Variants in RYR2 observed in about 807,000 individuals in gnomAD.
RYR2 encodes cardiac muscle ryanodine receptor-calcium release channel.
In RYR2, 227 loss-of-function variants were observed where a neutral mutation model predicts 601.1. The ratio of observed to expected loss-of-function variants is 0.38; its 90% confidence interval spans 0.34 to 0.42. The LOEUF (loss-of-function observed/expected upper bound fraction) is 0.42. RYR2 is among the 10% of genes least tolerant of loss of function. The pLI, the probability that RYR2 is intolerant of heterozygous loss-of-function variation, is 1.00. For missense variants in RYR2, 4,646 were observed against 6,156.5 expected, an observed-to-expected ratio of 0.75 and a Z score of 8.21; for synonymous variants, 2,223 against 2,175.1, an observed-to-expected ratio of 1.02 and a Z score of -0.61.
intron 54 of RYR2, 145 bp downstream of exon 54, chr1:237,658,167 T>C (rs1683432108): frequency 4.5e-6 from 2 of 440,892 alleles, no homozygotes; most frequent in Non-Finnish European, 8.1e-6. Flanking sequence ...TTAGCTTATA[T>C]AATAATATAA....
chr1:237,045,818 G>A, intron 1 of RYR2, among the ~76,000 whole-genome samples: 2 of 129,918 alleles, frequency 1.5e-5, no homozygotes, highest in Admixed American at 7.9e-5. Flanking sequence ...TGTTATAGAA[G>A]ATATTCCTCT....
At position 237,377,428 on chromosome 1, in the gene RYR2, G is replaced by A. The variant is rs1237664259; in HGVS notation, c.569G>A (p.Arg190Lys). Residue 190 changes from arginine to lysine, a missense_variant, in exon 8 of 105, where the codon AGG becomes AAG. Around this residue, in one of 17 missense-constraint regions of RYR2, gnomAD observed 87 missense variants for 144.7 expected, o/e 0.60. Transcript: ENST00000366574. ...ATCTTAGTTAGCGTGTCCTCTGAAA[G>A]GTACTTGGTAAGTGTGGAAAGTAGG... ...DLILVSVSSE[R>K]YLHLSYGNGS... 2.5e-6 allele frequency: 4 copies of A among 1,612,420 alleles called. No homozygotes were observed. The highest frequency in any genetic ancestry group is 3.4e-6 in the Non-Finnish European group (4 of 1,178,676).
At chr1:237,627,332 TACGTAGTC>T (rs1375254293) in intron 40 of RYR2, among the ~76,000 whole-genome samples, 1 of 152,240 alleles carries the variant, frequency 6.6e-6, no homozygotes, top group Non-Finnish European at 1.5e-5. Flanking sequence ...AACATAATTA[TACGTAGTC>T]ACTAGTGCAA....
At chr1:237,499,587 A>G (rs1257593708) in intron 20 of RYR2, among the ~76,000 whole-genome samples, 2 of 152,124 alleles carry the variant, frequency 1.3e-5, no homozygotes, top group Admixed American at 1.3e-4. Flanking sequence ...AGCTGCCTTT[A>G]TTATATTCAG....
chr1:237,251,680 G>C (rs574297475), intron 1 of RYR2, among the ~76,000 whole-genome samples: 1 of 152,114 alleles, frequency 6.6e-6, no homozygotes, highest in Non-Finnish European at 1.5e-5. Context: ...TCTTCACAGG[G>C]ATGAGTCCTA....
intron 27 of RYR2, among the ~76,000 whole-genome samples, chr1:237,552,419 A>G (rs1395327405): frequency 6.6e-6 from 1 of 152,182 alleles, no homozygotes; most frequent in Non-Finnish European, 1.5e-5. Context: ...TTTGTATACA[A>G]TAAAATGTAC....
chr1:237,694,374 C>T (rs1189658610), intron 63 of RYR2, among the ~76,000 whole-genome samples: 1 of 151,742 alleles, frequency 6.6e-6, no homozygotes, highest in Non-Finnish European at 1.5e-5. Context: ...TTCAGTGTGC[C>T]ATTAAGTTGA....
chr1:237,069,190 CATTTATATGTTGTTTACTGATA>C (rs947088543), intron 1 of RYR2, among the ~76,000 whole-genome samples: 1 of 152,004 alleles, frequency 6.6e-6, no homozygotes, highest in African/African-American at 2.4e-5. Flanking sequence ...CAGCTTATCC[CATTTATATGTTGTTTACTGATA>C]AACTGGCTGT....
At chr1:237,126,008 G>A (rs191046419) in intron 1 of RYR2, among the ~76,000 whole-genome samples, 225 of 152,292 alleles carry the variant, frequency 1.5e-3, no homozygotes, top group East Asian at 8.1e-3. Flanking sequence ...AGGCCGAGGC[G>A]GGCGGATCAC....
intron 10 of RYR2, among the ~76,000 whole-genome samples, chr1:237,394,822 T>C (rs1168566128): frequency 2.0e-5 from 3 of 152,182 alleles, no homozygotes; most frequent in Non-Finnish European, 4.4e-5. Context: ...TGAAACTGGG[T>C]AATTTATAAA....
rs563052316 is a variant in RYR2 at position 237,219,596 on chromosome 1, G to C, written c.49-50901G>C. ...ATCAGGGTGTGATAGCTTCCCTTGG[G>C]GCACGTGGCTGTGTTGGGGAGGAAT... is the stretch of plus-strand genomic sequence containing the variant. On this transcript the variant is annotated intron_variant, in intron 1 of 104. Coordinates refer to ENST00000366574, the MANE Select transcript of RYR2 (RefSeq NM_001035.3). Among the ~76,000 whole-genome samples, 125 of 152,250 alleles carry C rather than the reference G, an allele frequency of 8.2e-4. 2 individuals are homozygous for C. The highest frequency in any genetic ancestry group is 1.7e-3 in the Non-Finnish European group (113 of 68,012).
intron 90 of RYR2, among the ~76,000 whole-genome samples, chr1:237,785,337 T>TTTTC (rs1207147629): frequency 6.6e-6 from 1 of 152,224 alleles, no homozygotes; most frequent in Non-Finnish European, 1.5e-5. Context: ...TGTTCTGTGA[T>TTTTC]TTTCTTTGGC....
Position 237,654,387 on chromosome 1 carries a change from G to A in RYR2, c.7938G>A (p.Trp2646Ter), listed in dbSNP as rs1424089183. 6.2e-7 allele frequency: 1 copy of A among 1,613,784 alleles called. No individual in the cohort carries two copies. Among genetic ancestry groups the A allele is most frequent in the Non-Finnish European group, 8.5e-7 (1 of 1,179,804 alleles). The change falls in exon 52 of 105, where the codon TGG becomes TGA. Residue 2646 changes from tryptophan (W) to a stop codon, truncating the protein, a stop_gained. Coordinates refer to ENST00000366574, the MANE Select transcript of RYR2 (RefSeq NM_001035.3). LOFTEE classifies it high-confidence loss of function. ...TTCATTTATCAAGAAAGTTGTTCTGGGGCATTTTTGATGCCCTGTCTCAAA... is the reference window on the plus strand; with the variant it reads ...TTCATTTATCAAGAAAGTTGTTCTGAGGCATTTTTGATGCCCTGTCTCAAA... Reference protein sequence around the residue: ...EELHLSRKLFWGIFDALSQKK... With the variant: ...EELHLSRKLF
At chr1:237,760,634 A>C (rs1019697063) in intron 83 of RYR2, among the ~76,000 whole-genome samples, 4 of 152,164 alleles carry the variant, frequency 2.6e-5, no homozygotes, top group South Asian at 2.1e-4. Flanking sequence ...TAATGTAAGA[A>C]GCTATTCCAA....
At chr1:237,824,201 A>C (rs1662838081) in intron 101 of RYR2, among the ~76,000 whole-genome samples, 1 of 152,194 alleles carries the variant, frequency 6.6e-6, no homozygotes, top group Admixed American at 6.5e-5. Flanking sequence ...TCCTGATACC[A>C]AAACCCGGCA....
At chr1:237,707,988 G>T (rs771898960) in intron 68 of RYR2, among the ~76,000 whole-genome samples, 3 of 140,398 alleles carry the variant, frequency 2.1e-5, no homozygotes, top group Non-Finnish European at 4.5e-5. Context: ...CACCATGTTC[G>T]CCAGGCTGGT....
At chr1:237,480,166 C>A (rs773534633) in intron 17 of RYR2, among the ~76,000 whole-genome samples, 1 of 152,020 alleles carries the variant, frequency 6.6e-6, no homozygotes, top group Non-Finnish European at 1.5e-5. Context: ...TGCCTGTAAT[C>A]CCAGCACTTT....
chr1:237,586,824 A>T (rs1572983740), intron 29 of RYR2, among the ~76,000 whole-genome samples: 1 of 151,476 alleles, frequency 6.6e-6, no homozygotes, highest in East Asian at 1.9e-4. Context: ...GGTTCAAGAG[A>T]TTCTCCTGCC....
In RYR2 at chr1:237,106,831, T is replaced by A. The variant is rs1668733398; in HGVS notation, c.48+64262T>A. ...TGTCTGGTGAAGGCTCGCTTCCTGG[T>A]TCATAGGCGGCTGTCTTCTTGCTGT... On this transcript the variant is annotated intron_variant, in intron 1 of 104. Transcript: ENST00000366574. The surrounding 1 kb of genome is among the most constrained non-coding windows in gnomAD (Gnocchi z 4.4). Among the ~76,000 whole-genome samples, 1 of 152,154 alleles carries A rather than the reference T, an allele frequency of 6.6e-6. No homozygotes were observed. The highest frequency in any genetic ancestry group is 6.6e-5 in the Admixed American group (1 of 15,266).
Sources: gnomAD v4.1 joint callset for allele counts (sites outside exome capture counted in the v4.1 genomes callset) on GRCh38, gnomAD v4.1.1 for gene constraint, gnomAD v4.1.1 regional missense constraint, Gnocchi (gnomAD v3.1) non-coding constraint, MANE v1.5 for transcripts, NCBI Gene and HGNC (gene_info 2026-07-23, HGNC 2026-07-21) for gene names.